CBLIF: variants seen among roughly 807,000 people sequenced by gnomAD.
The protein encoded by CBLIF is gastric intrinsic factor (vitamin B synthesis).
Under a neutral mutation model 44.9 loss-of-function variants are expected in CBLIF, and 24 were observed. The ratio of observed to expected loss-of-function variants is 0.53; its 90% CI spans 0.39 to 0.75. The LOEUF is 0.75. Ranked by LOEUF, CBLIF falls within the 30% of genes least tolerant of loss-of-function variation. CBLIF has a pLI of 0.00. For missense variants in CBLIF, 481 were observed against 513.0 expected (o/e 0.94, Z 0.60); for synonymous variants, 183 against 190.9 (o/e 0.96, Z 0.34).
Position 59,829,419 on chromosome 11 carries a change from A to G in CBLIF, c.*65T>C. On this transcript the variant is annotated 3_prime_UTR_variant, in exon 9 of 9. Transcript: ENST00000257248. ...ATTCGCTTTTTTGCATAGATTTAAA[A>G]TGAAGTGGAAAAAATTTCACCCATC... 9.9e-7 allele frequency: 1 copy of G among 1,008,058 alleles called. No homozygotes were observed. The highest frequency in any genetic ancestry group is 1.6e-6 in the Non-Finnish European group (1 of 627,360). 62.4% of individuals were successfully genotyped at this position (1,008,058 alleles called of 1,614,324 possible).
intron 7 of CBLIF, among the ~76,000 whole-genome samples, chr11:59,834,878 C>A (rs952850188): frequency 1.3e-5 from 2 of 152,034 alleles, no homozygotes; most frequent in South Asian, 4.1e-4. Flanking sequence ...TCCGTGTATC[C>A]CAGAGGAAGT....
intron 6 of CBLIF, among the ~76,000 whole-genome samples, chr11:59,836,405 G>T (rs557375487): frequency 6.6e-6 from 1 of 152,142 alleles, no homozygotes; most frequent in Admixed American, 6.5e-5. Context: ...AAGAGTTTGA[G>T]GAATCCATAC....
At chr11:59,836,585 A>G (rs1026553806) in intron 6 of CBLIF, among the ~76,000 whole-genome samples, 1 of 152,136 alleles carries the variant, frequency 6.6e-6, no homozygotes, top group Non-Finnish European at 1.5e-5. Context: ...ACTCCATCTC[A>G]TTGATATATT....
At chr11:59,845,326 C>T in intron 1 of CBLIF, 49 bp downstream of exon 1, 1 of 1,607,200 alleles carries the variant, frequency 6.2e-7, no homozygotes, top group Non-Finnish European at 8.5e-7. Context: ...ACAGCCCCTT[C>T]CCCAGGGCAA....
At chr11:59,836,158 A>G (rs1590857260) in intron 6 of CBLIF, 149 bp from the exon 7 acceptor site, 1 of 736,498 alleles carries the variant, frequency 1.4e-6, no homozygotes, top group Non-Finnish European at 2.4e-6. Flanking sequence ...GACAACTAGC[A>G]TAGAATTCCG....
At chr11:59,839,019 T>G (rs1252173246) in intron 5 of CBLIF, among the ~76,000 whole-genome samples, 3 of 151,946 alleles carry the variant, frequency 2.0e-5, no homozygotes, top group African/African-American at 4.8e-5. Context: ...AGGCTAATTT[T>G]TGTATTTTTA....
chr11:59,829,362 G>GT lies in CBLIF; in HGVS notation c.*121dup. On this transcript the variant is annotated 3_prime_UTR_variant, in exon 9 of 9. Transcript: ENST00000257248. The stretch of plus-strand genomic sequence containing the variant: ...TTTATTCTACATAGTGGTTCTCCAT[G>GT]TTTTTACCAGGAATATGGTAGCATC... 1.4e-6 allele frequency: 1 copy of GT among 715,282 alleles called. No individual in the cohort carries two copies. Among genetic ancestry groups the GT allele is most frequent in the Non-Finnish European group, 2.6e-6 (1 of 385,924 alleles). The allele number at this position is 715,282 out of a possible 1,614,324, so 44.3% of individuals were successfully genotyped here.
At position 59,843,809 on chromosome 11, in the gene CBLIF, G is replaced by C. The variant is rs1866570413; in HGVS notation, c.256+70C>G. ...GCAGCATTGGGGTGGGAAGGACGCT[G>C]AGTTGGAATCTGGAGGTGGTATGTG... On this transcript the variant is annotated intron_variant, in intron 2 of 8. Coordinates refer to ENST00000257248, the MANE Select transcript of CBLIF (RefSeq NM_005142.3). The C allele has an allele frequency of 8.5e-6, 10 of 1,174,636 alleles. No homozygotes were observed. The Admixed American group carries it at 1.5e-4, about 18-fold the overall frequency. The allele number at this position is 1,174,636 out of a possible 1,614,324, so 72.8% of individuals were successfully genotyped here.
intron 5 of CBLIF, among the ~76,000 whole-genome samples, chr11:59,837,940 G>T (rs1230805583): frequency 1.3e-5 from 2 of 152,072 alleles, no homozygotes; most frequent in Admixed American, 1.3e-4. Context: ...TCCTGCTAAG[G>T]TTATTCAACT....
intron 4 of CBLIF, among the ~76,000 whole-genome samples, chr11:59,842,130 A>G (rs1866539577): frequency 1.3e-5 from 2 of 152,214 alleles, no homozygotes; most frequent in Admixed American, 1.3e-4. Flanking sequence ...CAAGACATTC[A>G]TATTTAATTT....
chr11:59,833,521 A>C (rs1237250049), intron 7 of CBLIF, among the ~76,000 whole-genome samples: 3 of 152,046 alleles, frequency 2.0e-5, no homozygotes, highest in Non-Finnish European at 4.4e-5. Context: ...CTGTCTCAAA[A>C]AAAAAAAAAA....
chr11:59,840,976 C>T, intron 5 of CBLIF, 167 bp downstream of exon 5: 3 of 674,646 alleles, frequency 4.4e-6, no homozygotes, highest in South Asian at 1.6e-5. Flanking sequence ...TTAACACTTA[C>T]CTGCATTTTA....
In CBLIF at chr11:59,829,302, G is replaced by A; in HGVS notation, c.*182C>T. On this transcript the variant is annotated 3_prime_UTR_variant, in exon 9 of 9. Transcript: ENST00000257248. ...GAAGATGAAAATTTTATTTTCATGA[G>A]TCATAGATGTTGAGACTCCAGTGAA... The A allele has an allele frequency of 1.7e-6, 1 of 593,360 alleles. No homozygotes were observed. The allele number at this position is 593,360 out of a possible 1,614,324, so 36.8% of individuals were successfully genotyped here.
rs546407018 is a variant in CBLIF at position 59,831,314 on chromosome 11, A to C, written c.1192+364T>G. Among the ~76,000 whole-genome samples, 4 of 152,242 alleles carry C rather than the reference A, an allele frequency of 2.6e-5. No homozygotes were observed. The South Asian group carries it at 8.3e-4, about 32-fold the overall frequency. ...AATTTTGAGTGAAACTTTTGTACAA[A>C]GCACATTTGTCCTAGAGTTTGGAAA... On this transcript the variant is annotated intron_variant, in intron 8 of 8. Transcript: ENST00000257248.
intron 7 of CBLIF, among the ~76,000 whole-genome samples, chr11:59,834,964 C>T (rs1866434033): frequency 6.6e-6 from 1 of 152,092 alleles, no homozygotes; most frequent in Non-Finnish European, 1.5e-5. Flanking sequence ...ACGACCTAAG[C>T]AACATTTTAC....
chr11:59,839,238 A>G (rs1313875885), intron 5 of CBLIF, among the ~76,000 whole-genome samples: 1 of 152,242 alleles, frequency 6.6e-6, no homozygotes, highest in African/African-American at 2.4e-5. Context: ...GTTCTGGAAC[A>G]GAGGAAATGC....
At chr11:59,844,630 A>G (rs530904431) in intron 1 of CBLIF, among the ~76,000 whole-genome samples, 2 of 152,322 alleles carry the variant, frequency 1.3e-5, no homozygotes, top group African/African-American at 2.4e-5. Context: ...CATTTCTCAT[A>G]GTTTCTATCA....
chr11:59,844,933 G>A (rs922066570), intron 1 of CBLIF, among the ~76,000 whole-genome samples: 1 of 151,944 alleles, frequency 6.6e-6, no homozygotes, highest in Non-Finnish European at 1.5e-5. Context: ...CTGCAGCCTC[G>A]ACCTCCTGGG....
intron 4 of CBLIF, among the ~76,000 whole-genome samples, chr11:59,841,964 C>T (rs1866536621): frequency 1.3e-5 from 2 of 152,068 alleles, no homozygotes; most frequent in South Asian, 2.1e-4. Context: ...AGGTGGTCCC[C>T]GAGTTGCCAT....
Sources: allele counts gnomAD v4.1 joint callset (sites outside exome capture counted in the v4.1 genomes callset), GRCh38; gene constraint gnomAD v4.1.1; transcripts MANE v1.5; gene names NCBI Gene and HGNC (gene_info 2026-07-23, HGNC 2026-07-21).